The following EPHA6 variants were observed in gnomAD, a reference collection of about 807,000 sequenced individuals.
EPHA6 encodes the protein ephrin type-A receptor 6.
A neutral mutation model predicts 112.0 loss-of-function variants in EPHA6; 50 were observed. That is an observed-to-expected ratio of 0.45 (90% CI 0.36 to 0.56). EPHA6 has a LOEUF of 0.56. EPHA6 is among the 20% of genes least tolerant of loss of function. The pLI is 0.00. For missense variants in EPHA6, 1,280 were observed against 1,417.4 expected (o/e 0.90, Z 1.56); for synonymous variants, 529 against 490.7 (o/e 1.08, Z -1.03).
At chr3:96,986,256 C>T (rs1559646572) in intron 2 of EPHA6, among the ~76,000 whole-genome samples, 1 of 152,142 alleles carries the variant, frequency 6.6e-6, no homozygotes, top group Non-Finnish European at 1.5e-5. Context: ...TGGACAAAGT[C>T]TTTCTATGCA....
chr3:97,694,666 A>G (rs1470426009), intron 14 of EPHA6, among the ~76,000 whole-genome samples: 1 of 152,252 alleles, frequency 6.6e-6, no homozygotes, highest in Non-Finnish European at 1.5e-5. Context: ...TGCCTCAAGC[A>G]AGACCCACAT....
At chr3:97,193,039 T>G (rs2077349476) in intron 3 of EPHA6, among the ~76,000 whole-genome samples, 1 of 152,162 alleles carries the variant, frequency 6.6e-6, no homozygotes, top group African/African-American at 2.4e-5. Flanking sequence ...TTGGTTACAA[T>G]AGTTCTGTAG....
rs1054747303 is a variant in EPHA6 at position 97,753,771 on chromosome 3, C to T, written c.*5070C>T. Among the ~76,000 whole-genome samples the T allele has an allele frequency of 1.3e-5, 2 of 151,974 alleles. No homozygotes were observed. Among genetic ancestry groups the T allele is most frequent in the Non-Finnish European group, 2.9e-5 (2 of 67,980 alleles). On this transcript the variant is annotated 3_prime_UTR_variant, in exon 18 of 18. Coordinates refer to ENST00000389672, the MANE Select transcript of EPHA6 (RefSeq NM_001080448.3). Reference sequence around the variant, plus strand: ...AGGGGAAATAGATGATTACTCCTGACTATAACATATTACTAAGTGAAATGA... The same window carrying T: ...AGGGGAAATAGATGATTACTCCTGATTATAACATATTACTAAGTGAAATGA...
At chr3:96,868,965 T>C (rs1559786835) in intron 2 of EPHA6, among the ~76,000 whole-genome samples, 1 of 151,916 alleles carries the variant, frequency 6.6e-6, no homozygotes, top group African/African-American at 2.4e-5. Context: ...CAGTGGAAAA[T>C]TGAGCATCTC....
intron 2 of EPHA6, among the ~76,000 whole-genome samples, chr3:96,982,481 G>T (rs1361058905): frequency 1.3e-5 from 2 of 152,204 alleles, no homozygotes; most frequent in African/African-American, 2.4e-5. Flanking sequence ...CCAACTATGT[G>T]GTCAATTTTG....
At chr3:97,312,343 G>T (rs1413293950) in intron 5 of EPHA6, among the ~76,000 whole-genome samples, 1 of 151,558 alleles carries the variant, frequency 6.6e-6, no homozygotes, top group East Asian at 1.9e-4. Flanking sequence ...GGACATCCAT[G>T]CTATAGTCCT....
chr3:97,635,004 G>A (rs2093933781), intron 13 of EPHA6, among the ~76,000 whole-genome samples: 1 of 151,374 alleles, frequency 6.6e-6, no homozygotes, highest in Non-Finnish European at 1.5e-5. Context: ...TACTAGTATA[G>A]CTTGGTTTGG....
At chr3:97,119,549 A>G (rs532882825) in intron 3 of EPHA6, among the ~76,000 whole-genome samples, 2 of 152,108 alleles carry the variant, frequency 1.3e-5, no homozygotes, top group Admixed American at 1.3e-4. Flanking sequence ...TACCACTTAC[A>G]GGAAGAGGGC....
chr3:97,675,210 T>G (rs2031250349), intron 14 of EPHA6, among the ~76,000 whole-genome samples: 1 of 152,184 alleles, frequency 6.6e-6, no homozygotes, highest in South Asian at 2.1e-4. Flanking sequence ...TCAGGTGCGG[T>G]AGCTCATGCC....
At chr3:97,698,756 C>A (rs1452599205) in intron 14 of EPHA6, among the ~76,000 whole-genome samples, 1 of 152,156 alleles carries the variant, frequency 6.6e-6, no homozygotes, top group East Asian at 1.9e-4. Flanking sequence ...TCTTTCTGAC[C>A]TTCATTTTCC....
At chr3:97,065,581 C>G (rs1054848671) in intron 3 of EPHA6, among the ~76,000 whole-genome samples, 1 of 151,886 alleles carries the variant, frequency 6.6e-6, no homozygotes, top group African/African-American at 2.4e-5. Flanking sequence ...TTGTAAGACT[C>G]GATTTCTGAT....
chr3:97,027,516 CAG>C (rs2044683366), intron 3 of EPHA6, among the ~76,000 whole-genome samples: 1 of 152,106 alleles, frequency 6.6e-6, no homozygotes, highest in African/African-American at 2.4e-5. Context: ...AAAAAGGAAA[CAG>C]ATGTACTTTT....
At chr3:97,597,263 C>A (rs985491257) in intron 12 of EPHA6, among the ~76,000 whole-genome samples, 7 of 152,018 alleles carry the variant, frequency 4.6e-5, no homozygotes, top group African/African-American at 1.2e-4. Flanking sequence ...ATGTATAATA[C>A]CTCTTTTGAC....
At chr3:97,517,303 A>C (rs919253929) in intron 10 of EPHA6, among the ~76,000 whole-genome samples, 1 of 152,112 alleles carries the variant, frequency 6.6e-6, no homozygotes. Context: ...AGTGTGTGTC[A>C]GTAAGAGGGT....
chr3:97,686,506 C>A (rs1419437634), intron 14 of EPHA6, among the ~76,000 whole-genome samples: 1 of 152,126 alleles, frequency 6.6e-6, no homozygotes. Context: ...ACTCTCAAAA[C>A]CTTGTGAAAT....
At chr3:97,510,988 T>G (rs527974904) in intron 10 of EPHA6, among the ~76,000 whole-genome samples, 1 of 152,290 alleles carries the variant, frequency 6.6e-6, no homozygotes, top group South Asian at 2.1e-4. Context: ...GTTTACACTG[T>G]GAGGGTAAAA....
intron 3 of EPHA6, among the ~76,000 whole-genome samples, chr3:97,183,341 T>C (rs2077041328): frequency 1.3e-5 from 2 of 152,110 alleles, no homozygotes; most frequent in African/African-American, 4.8e-5. Context: ...GTGAAATAAA[T>C]ACAAATTAAA....
intron 4 of EPHA6, among the ~76,000 whole-genome samples, chr3:97,239,693 A>G (rs2078785163): frequency 6.6e-6 from 1 of 151,746 alleles, no homozygotes; most frequent in Non-Finnish European, 1.5e-5. Flanking sequence ...GAGGAGAGAA[A>G]GAAGGGCTTG....
chr3:97,286,139 C>T (rs2080456370), intron 5 of EPHA6, among the ~76,000 whole-genome samples: 1 of 152,084 alleles, frequency 6.6e-6, no homozygotes, highest in East Asian at 1.9e-4. Context: ...TCTTTCTGCT[C>T]ATTAGTTTCT....
Sources: allele counts gnomAD v4.1 joint callset (sites outside exome capture counted in the v4.1 genomes callset), GRCh38; gene constraint gnomAD v4.1.1; transcripts MANE v1.5; gene names NCBI Gene and HGNC (gene_info 2026-07-23, HGNC 2026-07-21).